The following RMP24 variants were observed in gnomAD, a reference collection of about 807,000 sequenced individuals.
RMP24 encodes the protein ribonuclease MRP subunit p24.
At chr18:35,975,878 T>TAA in the RMP24 span, among the ~76,000 whole-genome samples, 1 of 152,182 alleles carries the variant, frequency 6.6e-6, no homozygotes. Flanking sequence ...TGCATTTTGC[T>TAA]TTGTCATAAA....
chr18:35,979,085 A>G, the RMP24 span: 1 of 1,355,934 alleles, frequency 7.4e-7, no homozygotes, highest in Non-Finnish European at 1.0e-6. Flanking sequence ...GAATACATGG[A>G]AACTAGATCT....
chr18:35,972,947 C>A, the RMP24 span: 1 of 1,612,700 alleles, frequency 6.2e-7, no homozygotes, highest in Non-Finnish European at 8.5e-7. Context: ...GGGCTCTTGT[C>A]GCCCCGCTTT....
chr18:35,977,261 T>C, the RMP24 span: 1 of 638,100 alleles, frequency 1.6e-6, no homozygotes, highest in Non-Finnish European at 2.5e-6. Context: ...CGCTACTAGA[T>C]TGCAAGTTCC....
the RMP24 span, among the ~76,000 whole-genome samples, chr18:35,978,600 G>C: frequency 5.9e-5 from 9 of 152,054 alleles, 1 homozygote; most frequent in South Asian, 2.1e-4. Flanking sequence ...GACAGAGCGA[G>C]ACTCCGTCTC....
At chr18:35,974,119 C>T in the RMP24 span, among the ~76,000 whole-genome samples, 1 of 152,216 alleles carries the variant, frequency 6.6e-6, no homozygotes, top group Admixed American at 6.5e-5. Context: ...GGATTCTTGC[C>T]TCACATATCT....
chr18:35,972,921 C>T, the RMP24 span: 1 of 1,614,172 alleles, frequency 6.2e-7, no homozygotes, highest in Non-Finnish European at 8.5e-7. Flanking sequence ...AGAAGAACGC[C>T]TGTCTCTTGT....
the RMP24 span, chr18:35,974,855 T>G: frequency 1.3e-6 from 2 of 1,554,474 alleles, no homozygotes; most frequent in Admixed American, 3.6e-5. Flanking sequence ...AACAAAATAT[T>G]CTGATTTGCT....
the RMP24 span, chr18:35,972,733 GA>G: frequency 6.2e-7 from 1 of 1,610,620 alleles, no homozygotes; most frequent in Non-Finnish European, 8.5e-7. Flanking sequence ...GCGGCGATGA[GA>G]CAGAAGCACT....
chr18:35,974,268 C>T, the RMP24 span, among the ~76,000 whole-genome samples: 2 of 152,190 alleles, frequency 1.3e-5, no homozygotes, highest in African/African-American at 4.8e-5. Flanking sequence ...TTATTCCCAG[C>T]ACTTAACATT....
the RMP24 span, chr18:35,978,849 G>T: frequency 6.3e-7 from 1 of 1,598,492 alleles, no homozygotes; most frequent in South Asian, 1.1e-5. Flanking sequence ...CCTACATCTG[G>T]ACAGTCAGTA....
chr18:35,972,929 TGTG>T, the RMP24 span: 1 of 1,614,158 alleles, frequency 6.2e-7, no homozygotes, highest in Non-Finnish European at 8.5e-7. Context: ...GCCTGTCTCT[TGTG>T]CTTTGGGCTC....
the RMP24 span, chr18:35,978,887 A>C: frequency 6.2e-7 from 1 of 1,613,244 alleles, no homozygotes. Context: ...GAACACCAGC[A>C]AAACAAAGAA....
chr18:35,976,189 G>A, the RMP24 span, among the ~76,000 whole-genome samples: 13 of 115,660 alleles, frequency 1.1e-4, no homozygotes, highest in African/African-American at 3.6e-4. Context: ...TCCCTCTGTC[G>A]CCCAGGCTGG....
the RMP24 span, among the ~76,000 whole-genome samples, chr18:35,974,170 T>G: frequency 1.3e-5 from 2 of 152,194 alleles, no homozygotes; most frequent in South Asian, 2.1e-4. Context: ...GTCTCTATAA[T>G]ATCACTCAAT....
chr18:35,976,803 T>C, the RMP24 span, among the ~76,000 whole-genome samples: 1 of 152,250 alleles, frequency 6.6e-6, no homozygotes, highest in Admixed American at 6.5e-5. Context: ...AAGAGTATTA[T>C]CTCCCATCTC....
At chr18:35,972,997 C>A in the RMP24 span, 1 of 1,519,976 alleles carries the variant, frequency 6.6e-7, no homozygotes, top group South Asian at 1.1e-5. Context: ...CCGATGGACT[C>A]ACTTCCCTCC....
At chr18:35,973,346 G>A in the RMP24 span, 5 of 223,098 alleles carry the variant, frequency 2.2e-5, no homozygotes, top group African/African-American at 6.8e-5. Flanking sequence ...ACTTACAAAT[G>A]TATATACTCA....
the RMP24 span, chr18:35,973,203 T>G: frequency 1.9e-6 from 1 of 540,064 alleles, no homozygotes; most frequent in Non-Finnish European, 3.3e-6. Context: ...TGCTGGTTCC[T>G]CCTAATCTCC....
At chr18:35,973,006 C>T in the RMP24 span, 1 of 1,490,374 alleles carries the variant, frequency 6.7e-7, no homozygotes, top group African/African-American at 1.4e-5. Flanking sequence ...TCACTTCCCT[C>T]CATAAAAACA....
Sources: gnomAD v4.1 joint callset for allele counts (sites outside exome capture counted in the v4.1 genomes callset) on GRCh38, gnomAD v4.1.1 for gene constraint, MANE v1.5 for transcripts, NCBI Gene and HGNC (gene_info 2026-07-23, HGNC 2026-07-21) for gene names.